Variants in DRICH1 observed in about 807,000 individuals in gnomAD.
The protein encoded by DRICH1 is aspartate rich 1.
DRICH1 carries 38 observed loss-of-function variants against 39.5 expected under a neutral mutation model. That is an observed-to-expected ratio of 0.96 (90% CI 0.74 to 1.26). The LOEUF (loss-of-function observed/expected upper bound fraction) is 1.26. Among genes scored for constraint, DRICH1 ranks in the 50% most tolerant of loss-of-function variants. The pLI, the probability that DRICH1 is intolerant of heterozygous loss-of-function variation, is 0.00. For missense variants in DRICH1, 279 were observed against 270.4 expected, an observed-to-expected ratio of 1.03 and a Z score of -0.22; for synonymous variants, 84 against 99.5, an observed-to-expected ratio of 0.84 and a Z score of 0.93.
chr22:23,618,399 C>T (rs1361474088), intron 6 of DRICH1, among the ~76,000 whole-genome samples: 1 of 151,930 alleles, frequency 6.6e-6, no homozygotes, highest in East Asian at 1.9e-4. Flanking sequence ...CAGGGGTGAG[C>T]CACCGCACCC....
At chr22:23,609,465 C>G (rs1473438856) in intron 11 of DRICH1, among the ~76,000 whole-genome samples, 1 of 152,198 alleles carries the variant, frequency 6.6e-6, no homozygotes, top group African/African-American at 2.4e-5. Flanking sequence ...CTGAGGGAGC[C>G]TGGAGCCCTG....
intron 5 of DRICH1, 37 bp downstream of exon 5, chr22:23,620,557 T>C (rs1927657417): frequency 6.3e-7 from 1 of 1,590,758 alleles, no homozygotes; most frequent in South Asian, 1.1e-5. Flanking sequence ...GCCAGCAAGT[T>C]TGTTTCTCAG....
At chr22:23,617,843 G>GCAT (rs1194611346) in intron 6 of DRICH1, among the ~76,000 whole-genome samples, 186 bp from the exon 7 acceptor site, 1 of 152,098 alleles carries the variant, frequency 6.6e-6, no homozygotes, top group African/African-American at 2.4e-5. Flanking sequence ...TGTACTAGAG[G>GCAT]CATCACGCAG....
At chr22:23,611,082 T>C (rs992508255) in intron 11 of DRICH1, among the ~76,000 whole-genome samples, 1 of 152,296 alleles carries the variant, frequency 6.6e-6, no homozygotes, top group African/African-American at 2.4e-5. Flanking sequence ...TTCTGACCCA[T>C]GGAGCAATGG....
rs3831377 is a variant in DRICH1, at chr22:23,622,095, GCAT to G, written c.377_379del (p.Asp126del). ...GACAAAGAAAGATTGTCTTACCTGG[GCAT>G]CATCATCATCATCATCATCACAGTC... On this transcript the variant is annotated inframe_deletion, in exon 4 of 12. Transcript: ENST00000317749. 377,334 of 1,562,464 alleles carry G rather than the reference GCAT, an allele frequency of 0.24. 45,527 individuals are homozygous for G. Among genetic ancestry groups the G allele is most frequent in the East Asian group, 0.34 (14,940 of 44,228 alleles).
Position 23,614,028 on chromosome 22 carries a change from C to T in DRICH1, c.621+107G>A, listed in dbSNP as rs1927197917. The T allele has an allele frequency of 3.9e-6, 3 of 764,152 alleles. No homozygotes were observed. The South Asian group carries it at 4.9e-5, about 13-fold the overall frequency. 47.3% of individuals were successfully genotyped at this position (764,152 alleles called of 1,614,324 possible). ...CCAGCCCCACAAAGAGAATAGTGTACAGTGTACATAATGTGCATTGCCAGA... is the reference window on the plus strand; with the variant it reads ...CCAGCCCCACAAAGAGAATAGTGTATAGTGTACATAATGTGCATTGCCAGA... On this transcript the variant is annotated intron_variant, in intron 9 of 11. Transcript: ENST00000317749.
intron 11 of DRICH1, among the ~76,000 whole-genome samples, chr22:23,611,392 A>AT (rs11339572): frequency 0.11 from 15,825 of 137,984 alleles, 969 homozygotes; most frequent in African/African-American, 0.13. Flanking sequence ...ATTTTCATTC[A>AT]TTTTTTTTTT....
At chr22:23,620,686 A>C in intron 4 of DRICH1, 71 bp from the exon 5 acceptor site, 1 of 1,550,826 alleles carries the variant, frequency 6.4e-7, no homozygotes, top group African/African-American at 1.4e-5. Flanking sequence ...CAGATCTGTT[A>C]TTCTCTTGAT....
rs143339373 is a variant in DRICH1 at position 23,611,506 on chromosome 22, C to T, written c.685+1783G>A. On this transcript the variant is annotated intron_variant, in intron 11 of 11. Coordinates refer to ENST00000317749, the MANE Select transcript of DRICH1 (RefSeq NM_016449.4). Reference sequence around the variant, plus strand: ...TCCCAGGTTCACGCCATTCTCCTGCCTCAGCCTCCCAAGTAGCTGGGACTA... The same window carrying T: ...TCCCAGGTTCACGCCATTCTCCTGCTTCAGCCTCCCAAGTAGCTGGGACTA... 3.4e-3 allele frequency among the ~76,000 whole-genome samples: 515 copies of T among 152,006 alleles called. 3 individuals are homozygous for T. Among genetic ancestry groups the T allele is most frequent in the African/African-American group, 0.012 (479 of 41,406 alleles).
At chr22:23,620,745 C>A in intron 4 of DRICH1, 130 bp from the exon 5 acceptor site, 1 of 1,032,296 alleles carries the variant, frequency 9.7e-7, no homozygotes, top group Non-Finnish European at 1.5e-6. Flanking sequence ...AGGTCAAAGG[C>A]CAAACATTCT....
the DRICH1 span, among the ~76,000 whole-genome samples, chr22:23,588,813 A>G: frequency 3.9e-5 from 6 of 152,078 alleles, no homozygotes; most frequent in African/African-American, 9.7e-5. Flanking sequence ...CTGACCCCAA[A>G]TCATATGGAG....
At chr22:23,588,438 T>G in the DRICH1 span, among the ~76,000 whole-genome samples, 1 of 152,206 alleles carries the variant, frequency 6.6e-6, no homozygotes, top group East Asian at 1.9e-4. Context: ...AGCTCTGATT[T>G]TCTATAACAA....
the DRICH1 span, among the ~76,000 whole-genome samples, chr22:23,582,787 C>T: frequency 6.6e-6 from 1 of 151,986 alleles, no homozygotes; most frequent in African/African-American, 2.4e-5. Flanking sequence ...TCCCGAACTC[C>T]TGATCTCAGG....
At chr22:23,600,512 C>A in the DRICH1 span, among the ~76,000 whole-genome samples, 1 of 152,180 alleles carries the variant, frequency 6.6e-6, no homozygotes, top group Admixed American at 6.5e-5. Flanking sequence ...GATCTTGAGA[C>A]CCTGTCTAGC....
the DRICH1 span, among the ~76,000 whole-genome samples, chr22:23,582,058 C>A: frequency 1.1e-4 from 15 of 141,438 alleles, no homozygotes; most frequent in Non-Finnish European, 1.7e-4. Context: ...TAGCTCATGG[C>A]AATCTCTTTC....
intron 1 of DRICH1, among the ~76,000 whole-genome samples, chr22:23,627,031 T>C (rs969517103): frequency 4.6e-5 from 7 of 151,630 alleles, no homozygotes; most frequent in Non-Finnish European, 1.5e-5. Flanking sequence ...ATAAGGCTGA[T>C]GGGCCATTGC....
At chr22:23,627,223 TCAC>T (rs1310877702) in intron 1 of DRICH1, among the ~76,000 whole-genome samples, 1 of 151,814 alleles carries the variant, frequency 6.6e-6, no homozygotes, top group Non-Finnish European at 1.5e-5. Flanking sequence ...CAGGTGTGCG[TCAC>T]CACACCTGGC....
intron 1 of DRICH1, among the ~76,000 whole-genome samples, chr22:23,629,922 T>A (rs553274059): frequency 6.6e-6 from 1 of 152,264 alleles, no homozygotes; most frequent in East Asian, 1.9e-4. Flanking sequence ...CGGCCATGGA[T>A]TGGAGCATTT....
chr22:23,628,667 A>T (rs1286197605), intron 1 of DRICH1, among the ~76,000 whole-genome samples: 2 of 152,202 alleles, frequency 1.3e-5, no homozygotes, highest in African/African-American at 4.8e-5. Context: ...ATAAGAGGTG[A>T]AAAAGAAAAA....
Sources: allele counts gnomAD v4.1 joint callset (sites outside exome capture counted in the v4.1 genomes callset), GRCh38; gene constraint gnomAD v4.1.1; transcripts MANE v1.5; gene names NCBI Gene and HGNC (gene_info 2026-07-23, HGNC 2026-07-21).